The following FLNC variants were observed in gnomAD, a reference collection of about 807,000 sequenced individuals.
The protein encoded by FLNC is filamin-C.
FLNC carries 91 observed loss-of-function variants against 254.3 expected under a neutral mutation model. The ratio of observed to expected loss-of-function variants is 0.36; its 90% CI spans 0.30 to 0.43. FLNC has a LOEUF of 0.43. Ranked by LOEUF, FLNC falls within the 20% of genes least tolerant of loss-of-function variation. FLNC has a pLI of 1.00. For synonymous variants in FLNC, 1,430 were observed against 1,577.2 expected (o/e 0.91, Z 2.21); for missense variants, 2,853 against 3,802.6 (o/e 0.75, Z 6.57).
In FLNC at chr7:128,855,647, T is replaced by G. The variant is rs146314037; in HGVS notation, c.7251+333T>G. On this transcript the variant is annotated intron_variant, in intron 43 of 47. Transcript: ENST00000325888. ...CATTTATAAGAATGAGAGCATAAAA[T>G]CTATACAAACTAAGAGTAAACCAGT... is the stretch of plus-strand genomic sequence containing the variant. 6.8e-3 allele frequency among the ~76,000 whole-genome samples: 1,038 copies of G among 152,338 alleles called. 13 individuals carry two copies. Among genetic ancestry groups the G allele is most frequent in the African/African-American group, 0.022 (898 of 41,564 alleles).
chr7:128,840,108 G>T lies in FLNC; in HGVS notation c.1497G>T (p.Val499=). The part of the protein sequence containing the change: ...VRVKEVADFK[V]FTKGAGSGEL... ...TGAAAGAGGTGGCTGACTTCAAGGTGTTTACCAAGGGTGCCGGCAGCGGGG... is the reference window on the plus strand; with the variant it reads ...TGAAAGAGGTGGCTGACTTCAAGGTTTTTACCAAGGGTGCCGGCAGCGGGG... Residue 499 remains valine (V), a synonymous_variant, in exon 9 of 48, where the codon GTG becomes GTT. Coordinates refer to ENST00000325888, the MANE Select transcript of FLNC (RefSeq NM_001458.5). The T allele has an allele frequency of 1.2e-6, 2 of 1,614,154 alleles. No homozygotes were observed. The highest frequency in any genetic ancestry group is 8.5e-7 in the Non-Finnish European group (1 of 1,180,040).
chr7:128,852,553 G>A (rs1292138846), intron 35 of FLNC, 38 bp from the exon 36 acceptor site: 1 of 1,612,134 alleles, frequency 6.2e-7, no homozygotes, highest in Non-Finnish European at 8.5e-7. Context: ...GGGCCTGCCT[G>A]GAGTCATAGC....
Position 128,857,819 on chromosome 7 carries a change from C to G in FLNC, c.7781-189C>G, listed in dbSNP as rs1263549876. Reference sequence around the variant, plus strand: ...CCCTAGGGTGGAGCACCAGTTGGAGCTGGCAGCTCAGGGCCCTGGCTGGGA... The same window carrying G: ...CCCTAGGGTGGAGCACCAGTTGGAGGTGGCAGCTCAGGGCCCTGGCTGGGA... On this transcript the variant is annotated intron_variant, in intron 46 of 47. Coordinates refer to ENST00000325888, the MANE Select transcript of FLNC (RefSeq NM_001458.5). The surrounding 1 kb of genome is among the most constrained non-coding windows in gnomAD (Gnocchi z 4.5). Among the ~76,000 whole-genome samples the G allele has an allele frequency of 6.6e-6, 1 of 152,194 alleles. No individual in the cohort carries two copies. Among genetic ancestry groups the G allele is most frequent in the Non-Finnish European group, 1.5e-5 (1 of 68,040 alleles).
chr7:128,852,963 G>C lies in FLNC; in HGVS notation c.6140G>C (p.Trp2047Ser). Reference sequence around the variant, plus strand: ...GGGGACGCCAGCAAGGTGCGGGTCTGGGGCAAGGGGCTTTCCGAGGGACAC... The same window carrying C: ...GGGGACGCCAGCAAGGTGCGGGTCTCGGGCAAGGGGCTTTCCGAGGGACAC... ...EIGDASKVRVWGKGLSEGHTF... is the reference protein window; with the variant it reads ...EIGDASKVRVSGKGLSEGHTF... The change falls in exon 37 of 48, where the codon TGG (tryptophan) becomes TCG (serine). Residue 2047 changes from tryptophan (W) to serine (S), a missense_variant. This residue lies in a region of FLNC where 551 missense variants were observed against 835.0 expected (regional missense o/e 0.66). Transcript: ENST00000325888. 6.2e-7 allele frequency: 1 copy of C among 1,613,530 alleles called. No individual in the cohort carries two copies.
rs762880945 is a variant in FLNC, at chr7:128,846,356, C to A, written c.4020C>A (p.Phe1340Leu). ...YDEVAVPKSP[F>L]RVGVTEGCDP... Reference sequence around the variant, plus strand: ...AGGTCGCTGTGCCCAAGAGCCCCTTCCGAGTGGGCGTGACCGAGGGCTGTG... The same window carrying A: ...AGGTCGCTGTGCCCAAGAGCCCCTTACGAGTGGGCGTGACCGAGGGCTGTG... Residue 1340 changes from phenylalanine to leucine, a missense_variant, in exon 23 of 48, where the codon TTC (phenylalanine) becomes TTA (leucine). Transcript: ENST00000325888. The A allele has an allele frequency of 6.2e-7, 1 of 1,613,500 alleles. No individual in the cohort carries two copies. Among genetic ancestry groups the A allele is most frequent in the East Asian group, 2.2e-5 (1 of 44,880 alleles).
In FLNC at chr7:128,854,069, A is replaced by G; in HGVS notation, c.6580A>G (p.Ser2194Gly). ...TYTRTERTEI[S>G]KTRGGETKRE... ...CACCCGCACGGAGCGCACGGAGATCAGCAAGACGCGGGGCGGGGAGACAAA... is the reference window on the plus strand; with the variant it reads ...CACCCGCACGGAGCGCACGGAGATCGGCAAGACGCGGGGCGGGGAGACAAA... Residue 2194 changes from serine (S) to glycine (G), a missense_variant, in exon 40 of 48, where the codon AGC becomes GGC. Coordinates refer to ENST00000325888, the MANE Select transcript of FLNC (RefSeq NM_001458.5). 2 of 1,613,236 alleles carry G rather than the reference A, an allele frequency of 1.2e-6. No individual in the cohort carries two copies. Among genetic ancestry groups the G allele is most frequent in the Non-Finnish European group, 1.7e-6 (2 of 1,179,980 alleles).
At chr7:128,840,442 C>A in intron 9 of FLNC, 106 bp from the exon 10 acceptor site, 1 of 1,494,410 alleles carries the variant, frequency 6.7e-7, no homozygotes, top group Non-Finnish European at 9.3e-7. Context: ...TACAGCACTG[C>A]CCTCGGGCTG....
At chr7:128,854,267 T>C in intron 40 of FLNC, 51 bp downstream of exon 40, 1 of 1,593,050 alleles carries the variant, frequency 6.3e-7, no homozygotes, top group Non-Finnish European at 8.5e-7. Context: ...GATGGGAGGG[T>C]GCTGCGGACC....
Position 128,842,554 on chromosome 7 carries a change from G to A in FLNC, c.2266-21G>A, listed in dbSNP as rs1168613189. The A allele has an allele frequency of 1.2e-5, 19 of 1,548,540 alleles. No homozygotes were observed. The highest frequency in any genetic ancestry group is 2.2e-4 in the Middle Eastern group (1 of 4,568). ...GAGCCTTGAGGGAGGGCACCACGCT[G>A]AGCTGCGACCCCTCCCGCAGGTGAA... On this transcript the variant is annotated intron_variant, in intron 14 of 47. Transcript: ENST00000325888. The surrounding 1 kb of genome is among the most constrained non-coding windows in gnomAD (Gnocchi z 5.4).
At chr7:128,838,219 T>G in intron 6 of FLNC, 48 bp from the exon 7 acceptor site, 1 of 1,598,992 alleles carries the variant, frequency 6.3e-7, no homozygotes, top group African/African-American at 1.3e-5. Flanking sequence ...CTGCCCCCTC[T>G]CAGGACTGCT....
At chr7:128,831,983 G>A (rs1807911895) in intron 1 of FLNC, among the ~76,000 whole-genome samples, 1 of 152,142 alleles carries the variant, frequency 6.6e-6, no homozygotes, top group Admixed American at 6.5e-5. Context: ...GGGATTTGCA[G>A]GACGAGGTCC....
intron 1 of FLNC, 72 bp downstream of exon 1, chr7:128,831,061 G>C: frequency 6.9e-7 from 1 of 1,447,296 alleles, no homozygotes; most frequent in Non-Finnish European, 9.5e-7. Context: ...CACAGGTGCG[G>C]GGTGGGCGCG....
rs376035195 is a variant in FLNC, at chr7:128,854,178, G to T, written c.6689G>T (p.Arg2230Leu). 7.5e-6 allele frequency: 12 copies of T among 1,609,336 alleles called. No homozygotes were observed. Among genetic ancestry groups the T allele is most frequent in the Non-Finnish European group, 1.0e-5 (12 of 1,178,132 alleles). ...AVFGDFLGRE[R>L]LGSFGSITRQ... The stretch of plus-strand genomic sequence containing the variant: ...TTTGGGGACTTCCTGGGCCGGGAGC[G>T]CCTGGGATCCTTCGGCAGCATCACC... Residue 2230 changes from arginine (R) to leucine (L), a missense_variant, in exon 40 of 48, where the codon CGC becomes CTC. This residue lies in a region of FLNC where 551 missense variants were observed against 835.0 expected (regional missense o/e 0.66). Transcript: ENST00000325888.
At position 128,830,755 on chromosome 7, in the gene FLNC, A is replaced by G. The variant is rs1807852608; in HGVS notation, c.118A>G (p.Asn40Asp). 1 of 1,613,140 alleles carries G rather than the reference A, an allele frequency of 6.2e-7. No individual in the cohort carries two copies. Among genetic ancestry groups the G allele is most frequent in the Admixed American group, 1.7e-5 (1 of 60,000 alleles). ...EDAPWKKIQQ[N>D]TFTRWCNEHL... ...CGCGCCGTGGAAGAAGATCCAGCAG[A>G]ACACATTCACGCGCTGGTGCAATGA... Residue 40 changes from asparagine to aspartate, a missense_variant, in exon 1 of 48, where the codon AAC becomes GAC. Asn to Asp is a conservative substitution (Grantham distance 23). Around this residue, in one of 10 missense-constraint regions of FLNC, gnomAD observed 13 missense variants for 37.8 expected, o/e 0.34. Coordinates refer to ENST00000325888, the MANE Select transcript of FLNC (RefSeq NM_001458.5).
chr7:128,853,236 G>C (rs1205711946), intron 37 of FLNC: 1 of 711,944 alleles, frequency 1.4e-6, no homozygotes, highest in Non-Finnish European at 2.4e-6. Flanking sequence ...AAGCTCAGCT[G>C]TCCTGAGTTT....
rs1377893206 is a variant in FLNC at position 128,858,392 on chromosome 7, T to A, written c.8047T>A (p.Tyr2683Asn). The change falls in exon 48 of 48, where the codon TAC becomes AAC. Residue 2683 changes from tyrosine to asparagine, a missense_variant. Physicochemically the swap from Tyr to Asn is moderately radical, Grantham distance 143. Around this residue, in one of 10 missense-constraint regions of FLNC, gnomAD observed 197 missense variants for 351.5 expected, o/e 0.56. Transcript: ENST00000325888. The surrounding 1 kb of genome is among the most constrained non-coding windows in gnomAD (Gnocchi z 6.7). ...HGPKTPCEEV[Y>N]VKHMGNRVYN... Reference sequence around the variant, plus strand: ...CCCCAAGACCCCCTGTGAGGAGGTGTACGTGAAGCACATGGGGAACCGGGT... The same window carrying A: ...CCCCAAGACCCCCTGTGAGGAGGTGAACGTGAAGCACATGGGGAACCGGGT... The A allele has an allele frequency of 5.6e-6, 9 of 1,594,542 alleles. No homozygotes were observed. Among genetic ancestry groups the A allele is most frequent in the Non-Finnish European group, 6.9e-6 (8 of 1,163,408 alleles).
chr7:128,833,141 C>G (rs1807958658), intron 1 of FLNC, among the ~76,000 whole-genome samples: 2 of 152,230 alleles, frequency 1.3e-5, no homozygotes, highest in Admixed American at 6.5e-5. Context: ...CCACCTTGTC[C>G]TGGCCCCCCG....
In FLNC at chr7:128,842,182, C is replaced by A; in HGVS notation, c.2122-49C>A. 6.2e-7 allele frequency: 1 copy of A among 1,601,044 alleles called. No homozygotes were observed. Among genetic ancestry groups the A allele is most frequent in the Non-Finnish European group, 8.5e-7 (1 of 1,172,020 alleles). On this transcript the variant is annotated intron_variant, in intron 13 of 47. Coordinates refer to ENST00000325888, the MANE Select transcript of FLNC (RefSeq NM_001458.5). The surrounding 1 kb of genome is among the most constrained non-coding windows in gnomAD (Gnocchi z 5.4). Reference sequence around the variant, plus strand: ...GGGTTCACCTGCGGCCAGCAGAGGGCGCTCTGCAGAGGCCACAGCTATGAA... The same window carrying A: ...GGGTTCACCTGCGGCCAGCAGAGGGAGCTCTGCAGAGGCCACAGCTATGAA...
rs1808686958 is a variant in FLNC, at chr7:128,848,941, A to G, written c.4886A>G (p.His1629Arg). The G allele has an allele frequency of 1.2e-6, 2 of 1,613,472 alleles. No individual in the cohort carries two copies. Among genetic ancestry groups the G allele is most frequent in the East Asian group, 4.5e-5 (2 of 44,854 alleles). Residue 1629 changes from histidine to arginine, a missense_variant, in exon 28 of 48, where the codon CAT (histidine) becomes CGT (arginine). Physicochemically the swap from His to Arg is conservative, Grantham distance 29. Coordinates refer to ENST00000325888, the MANE Select transcript of FLNC (RefSeq NM_001458.5). ...DEIPYSPFRI[H>R]ALPTGDASKC... is the part of the protein sequence containing the mutation. Reference sequence around the variant, plus strand: ...ATCCCCTACTCGCCCTTCCGCATCCATGCTCTGCCCACTGGGGATGCCAGC... The same window carrying G: ...ATCCCCTACTCGCCCTTCCGCATCCGTGCTCTGCCCACTGGGGATGCCAGC...
Sources: gnomAD v4.1 joint callset for allele counts (sites outside exome capture counted in the v4.1 genomes callset) on GRCh38, gnomAD v4.1.1 for gene constraint, gnomAD v4.1.1 regional missense constraint, Gnocchi (gnomAD v3.1) non-coding constraint, MANE v1.5 for transcripts, NCBI Gene and HGNC (gene_info 2026-07-23, HGNC 2026-07-21) for gene names.